RNF138: variants seen among roughly 807,000 people sequenced by gnomAD.
RNF138 encodes the protein ring finger protein 138, also known as E3 ubiquitin-protein ligase RNF138.
RNF138 carries 12 observed loss-of-function variants against 31.0 expected under a neutral mutation model. The ratio of observed to expected loss-of-function variants is 0.39; its 90% confidence interval spans 0.25 to 0.63. RNF138 has a LOEUF of 0.63. Ranked by LOEUF, RNF138 falls within the 20% of genes least tolerant of loss-of-function variation. The pLI is 0.52. For synonymous variants in RNF138, 105 were observed against 99.5 expected (o/e 1.06, Z -0.33); for missense variants, 192 against 300.1 (o/e 0.64, Z 2.66).
chr18:32,098,305 A>T (rs971621408), intron 2 of RNF138, among the ~76,000 whole-genome samples: 7 of 151,748 alleles, frequency 4.6e-5, no homozygotes, highest in African/African-American at 1.7e-4. Context: ...TGCGCCCACA[A>T]TATATTTCTT....
chr18:32,098,574 C>T (rs2039856696), intron 2 of RNF138, among the ~76,000 whole-genome samples: 2 of 151,922 alleles, frequency 1.3e-5, no homozygotes, highest in Non-Finnish European at 2.9e-5. Context: ...AGGTTGAGGC[C>T]GGGCGCAGTG....
At chr18:32,112,769 A>G (rs1252946544) in intron 3 of RNF138, among the ~76,000 whole-genome samples, 1 of 152,234 alleles carries the variant, frequency 6.6e-6, no homozygotes, top group Non-Finnish European at 1.5e-5. Context: ...AATAACCAGC[A>G]TTAATTCTCT....
rs766221578 is a variant in RNF138, at chr18:32,092,694, A to C, written c.-77-6A>C. 22 of 779,652 alleles carry C rather than the reference A, an allele frequency of 2.8e-5. 1 individual carries two copies. Among genetic ancestry groups the C allele is most frequent in the African/African-American group, 6.9e-5 (4 of 57,684 alleles). 48.3% of individuals were successfully genotyped at this position (779,652 alleles called of 1,614,324 possible). On this transcript the variant is annotated splice_region_variant and splice_polypyrimidine_tract_variant and intron_variant, in intron 1 of 7. Transcript: ENST00000261593. ...CGATCCCCCTCCCCCCTCCGGGTTC[A>C]TGTAGGGAGTCGGGCCCCGGGCCGC...
chr18:32,102,835 T>G (rs949314623), intron 2 of RNF138, among the ~76,000 whole-genome samples: 1 of 151,986 alleles, frequency 6.6e-6, no homozygotes, highest in African/African-American at 2.4e-5. Context: ...TTCACCATGT[T>G]GGCCAGGCTG....
intron 2 of RNF138, among the ~76,000 whole-genome samples, chr18:32,107,465 C>T (rs941759848): frequency 6.7e-6 from 1 of 150,236 alleles, no homozygotes; most frequent in Non-Finnish European, 1.5e-5. Flanking sequence ...TAAATTTTAG[C>T]AGTTTTTTTT....
intron 3 of RNF138, 60 bp from the exon 4 acceptor site, chr18:32,113,685 A>G: frequency 1.3e-6 from 1 of 744,154 alleles, no homozygotes; most frequent in Non-Finnish European, 2.1e-6. Context: ...CTCTCTTTAC[A>G]CTATTTCAAA....
At chr18:32,127,429 CTTTA>C (rs2040401275) in intron 7 of RNF138, among the ~76,000 whole-genome samples, 1 of 152,074 alleles carries the variant, frequency 6.6e-6, no homozygotes. Context: ...TTAATCAAAA[CTTTA>C]TTTAAGATTA....
intron 1 of RNF138, 27 bp from the exon 2 acceptor site, chr18:32,092,673 C>A (rs1379772833): frequency 7.1e-6 from 5 of 709,074 alleles, no homozygotes; most frequent in African/African-American, 1.8e-5. Context: ...CTGATGCGAT[C>A]CCCCTCCCCC....
chr18:32,099,512 C>T (rs530438263), intron 2 of RNF138, among the ~76,000 whole-genome samples: 1 of 152,314 alleles, frequency 6.6e-6, no homozygotes, highest in South Asian at 2.1e-4. Flanking sequence ...AAGAGATTCT[C>T]CTGCCCCAAT....
chr18:32,127,850 G>A (rs1255798757), intron 7 of RNF138, among the ~76,000 whole-genome samples: 1 of 152,214 alleles, frequency 6.6e-6, no homozygotes, highest in Non-Finnish European at 1.5e-5. Flanking sequence ...GGAGGCCGAG[G>A]TGGGTGGATC....
chr18:32,119,467 C>T (rs563158006), intron 4 of RNF138, among the ~76,000 whole-genome samples: 1 of 152,106 alleles, frequency 6.6e-6, no homozygotes, highest in South Asian at 2.1e-4. Flanking sequence ...CTCTGTCTCT[C>T]AGGCTGGAGT....
intron 4 of RNF138, among the ~76,000 whole-genome samples, chr18:32,114,545 C>T (rs891088329): frequency 6.6e-5 from 10 of 152,110 alleles, no homozygotes; most frequent in Non-Finnish European, 8.8e-5. Context: ...CCATTTGAAC[C>T]GTACACTCCT....
chr18:32,123,693 C>G, intron 5 of RNF138, 119 bp downstream of exon 5: 1 of 622,548 alleles, frequency 1.6e-6, no homozygotes, highest in East Asian at 3.5e-5. Context: ...ACTTTGTTTT[C>G]CCAGGCTGGA....
chr18:32,125,603 CT>C (rs1434919591), intron 6 of RNF138, among the ~76,000 whole-genome samples: 1 of 152,058 alleles, frequency 6.6e-6, no homozygotes. Flanking sequence ...TATTTCTAAG[CT>C]GTTTTAGTGA....
intron 3 of RNF138, among the ~76,000 whole-genome samples, chr18:32,112,750 GTGT>G (rs2040153951): frequency 6.6e-6 from 1 of 152,128 alleles, no homozygotes. Context: ...GGAAAATCAG[GTGT>G]TAACAAATAA....
intron 2 of RNF138, among the ~76,000 whole-genome samples, chr18:32,094,923 G>A (rs1346281185): frequency 6.6e-6 from 1 of 150,984 alleles, no homozygotes; most frequent in Non-Finnish European, 1.5e-5. Context: ...TCCCTTGTGG[G>A]ACATTTTAAA....
chr18:32,092,769 CCCCCG>C lies in RNF138; in HGVS notation c.-5_-1del. 6.5e-7 allele frequency: 1 copy of C among 1,547,596 alleles called. No individual in the cohort carries two copies. The highest frequency in any genetic ancestry group is 8.7e-7 in the Non-Finnish European group (1 of 1,144,298). On this transcript the variant is annotated 5_prime_UTR_variant, in exon 2 of 8. Coordinates refer to ENST00000261593, the MANE Select transcript of RNF138 (RefSeq NM_016271.5). ...TGTCGCCATCGCCTTGTTTCCCCAT[CCCCCG>C]CCATGGCCGAGGACCTCTCTGCGGC...
chr18:32,104,678 A>C (rs2144581729), intron 2 of RNF138, among the ~76,000 whole-genome samples: 1 of 152,344 alleles, frequency 6.6e-6, no homozygotes, highest in Admixed American at 6.5e-5. Flanking sequence ...AATAGCAACA[A>C]AATTATAATG....
chr18:32,100,112 A>G (rs2144570187), intron 2 of RNF138, among the ~76,000 whole-genome samples: 1 of 152,268 alleles, frequency 6.6e-6, no homozygotes, highest in African/African-American at 2.4e-5. Flanking sequence ...ACTGCCTAAT[A>G]GGTGCCTAGC....
Sources: allele counts gnomAD v4.1 joint callset (sites outside exome capture counted in the v4.1 genomes callset), GRCh38; gene constraint gnomAD v4.1.1; transcripts MANE v1.5; gene names NCBI Gene and HGNC (gene_info 2026-07-23, HGNC 2026-07-21).